MGAT5: variants seen among roughly 807,000 people sequenced by gnomAD.
MGAT5 encodes the protein alpha-1,6-mannosylglycoprotein 6-beta-N-acetylglucosaminyltransferase A.
MGAT5 carries 30 observed loss-of-function variants against 94.3 expected under a neutral mutation model. The ratio of observed to expected loss-of-function variants is 0.32; its 90% CI spans 0.24 to 0.43. The LOEUF is 0.43. Among genes scored for constraint, MGAT5 ranks in the 20% least tolerant of loss-of-function variants. The probability of loss-of-function intolerance (pLI) is 1.00; values close to 1 mark genes in which losing one functional copy is unlikely to be tolerated. For synonymous variants in MGAT5, 310 were observed against 322.9 expected, an observed-to-expected ratio of 0.96 and a Z score of 0.43; for missense variants, 691 against 905.5, an observed-to-expected ratio of 0.76 and a Z score of 3.04.
intron 12 of MGAT5, among the ~76,000 whole-genome samples, chr2:134,419,020 A>G (rs944814301): frequency 6.6e-6 from 1 of 152,260 alleles, no homozygotes; most frequent in Non-Finnish European, 1.5e-5. Flanking sequence ...CTAAGAATCA[A>G]AAATCCCTAG....
At chr2:134,335,663 C>A (rs1379817414) in intron 4 of MGAT5, among the ~76,000 whole-genome samples, 1 of 150,168 alleles carries the variant, frequency 6.7e-6, no homozygotes, top group Admixed American at 6.6e-5. Context: ...CACCTTATTT[C>A]TTGAGATAGT....
intron 1 of MGAT5, among the ~76,000 whole-genome samples, chr2:134,133,001 G>T (rs375930185): frequency 5.3e-5 from 8 of 152,266 alleles, no homozygotes; most frequent in African/African-American, 1.9e-4. Context: ...CTTTCTAGTG[G>T]AAACTAACTG....
chr2:134,242,467 C>T (rs532348482), intron 1 of MGAT5, among the ~76,000 whole-genome samples: 2 of 152,242 alleles, frequency 1.3e-5, no homozygotes, highest in African/African-American at 4.8e-5. Context: ...AAGTTCTGTA[C>T]GTGTTATGAA....
chr2:134,341,552 G>A (rs754572018), intron 6 of MGAT5, 38 bp from the exon 7 acceptor site: 4 of 1,556,632 alleles, frequency 2.6e-6, no homozygotes, highest in Non-Finnish European at 3.5e-6. Flanking sequence ...TTTGTATGTG[G>A]TTCAGTGTGA....
At position 134,389,635 on chromosome 2, in the gene MGAT5, G is replaced by A. The variant is rs145841861; in HGVS notation, c.1381-13353G>A. Among the ~76,000 whole-genome samples, 87 of 152,302 alleles carry A rather than the reference G, an allele frequency of 5.7e-4. No homozygotes were observed. In the East Asian group the frequency reaches 0.014, roughly 25 times the overall value. On this transcript the variant is annotated intron_variant, in intron 10 of 15. Transcript: ENST00000281923. Reference sequence around the variant, plus strand: ...GTCTAATGGCTTGGTGGATAACTGAGTTAATGGTGTGTGAAGGTGACCTGA... The same window carrying A: ...GTCTAATGGCTTGGTGGATAACTGAATTAATGGTGTGTGAAGGTGACCTGA...
intron 1 of MGAT5, among the ~76,000 whole-genome samples, chr2:134,151,656 C>T (rs1251288491): frequency 3.8e-5 from 1 of 26,110 alleles, no homozygotes; most frequent in Non-Finnish European, 6.8e-5. Context: ...TGCCATGGGA[C>T]CTCACTCATG....
rs77657048 is a variant in MGAT5, at chr2:134,366,004, C to T, written c.1380+3596C>T. On this transcript the variant is annotated intron_variant, in intron 10 of 15. Transcript: ENST00000281923. ...GAATCTTGCCGTCAGACTCCAGAAT[C>T]CCAGGGGCATCAACTTAGGAACCAC... is the stretch of plus-strand genomic sequence containing the variant. Among the ~76,000 whole-genome samples the T allele has an allele frequency of 2.4e-3, 366 of 152,130 alleles. 6 individuals carry two copies. The highest frequency in any genetic ancestry group is 8.0e-3 in the African/African-American group (331 of 41,490).
At chr2:134,237,148 T>TGCGC (rs145166543) in intron 1 of MGAT5, among the ~76,000 whole-genome samples, 20 of 140,834 alleles carry the variant, frequency 1.4e-4, no homozygotes, top group South Asian at 7.6e-4. Flanking sequence ...TGTGTGTGTG[T>TGCGC]GCGCGTGTGT....
rs1012608200 is a variant in MGAT5 at position 134,258,250 on chromosome 2, G to A, written c.241+3606G>A. Among the ~76,000 whole-genome samples the A allele has an allele frequency of 5.3e-5, 8 of 152,144 alleles. No homozygotes were observed. In the East Asian group the frequency reaches 5.8e-4, roughly 11 times the overall value. On this transcript the variant is annotated intron_variant, in intron 1 of 15. Transcript: ENST00000281923. ...ATAACAGATAAACACGGTAATTCCA[G>A]TATTTATTTCATAAAACATCTGAAA... is the stretch of plus-strand genomic sequence containing the variant.
At chr2:134,346,718 G>T (rs1203727816) in intron 8 of MGAT5, among the ~76,000 whole-genome samples, 1 of 152,068 alleles carries the variant, frequency 6.6e-6, no homozygotes, top group Non-Finnish European at 1.5e-5. Flanking sequence ...TCCAATTTAC[G>T]TAGGGACCTA....
intron 1 of MGAT5, among the ~76,000 whole-genome samples, chr2:134,120,791 A>G (rs1227704612): frequency 6.6e-6 from 1 of 151,054 alleles, no homozygotes; most frequent in Non-Finnish European, 1.5e-5. Flanking sequence ...AGTGGGGAGG[A>G]AGGAAGAAGG....
chr2:134,319,703 T>C (rs1331890516), intron 4 of MGAT5: 4 of 394,408 alleles, frequency 1.0e-5, no homozygotes, highest in Admixed American at 3.0e-5. Flanking sequence ...AACATACTCA[T>C]CCATGCTGTG....
At chr2:134,266,122 C>T (rs544030893) in intron 1 of MGAT5, among the ~76,000 whole-genome samples, 1 of 142,876 alleles carries the variant, frequency 7.0e-6, no homozygotes, top group Admixed American at 7.2e-5. Flanking sequence ...AATCGTGCCA[C>T]TGCACTCCAG....
chr2:134,295,872 T>C (rs1458317007), intron 2 of MGAT5, among the ~76,000 whole-genome samples: 2 of 152,164 alleles, frequency 1.3e-5, no homozygotes, highest in Non-Finnish European at 2.9e-5. Flanking sequence ...GTTCGGTGGA[T>C]TTACAGCATT....
intron 1 of MGAT5, among the ~76,000 whole-genome samples, chr2:134,199,331 G>A (rs1305966523): frequency 1.3e-5 from 2 of 152,016 alleles, no homozygotes; most frequent in African/African-American, 2.4e-5. Flanking sequence ...ACAGCCTCCC[G>A]GGATGGAGCT....
At chr2:134,258,912 G>A (rs1472649960) in intron 1 of MGAT5, among the ~76,000 whole-genome samples, 1 of 152,216 alleles carries the variant, frequency 6.6e-6, no homozygotes, top group Non-Finnish European at 1.5e-5. Flanking sequence ...CTGTGTGTCA[G>A]GTGCCTGACA....
intron 10 of MGAT5, among the ~76,000 whole-genome samples, chr2:134,362,873 C>T (rs1021725402): frequency 6.6e-6 from 1 of 152,180 alleles, no homozygotes. Flanking sequence ...ACTCACCTGA[C>T]GTAGAAAGTA....
At chr2:134,360,835 C>T (rs540180488) in intron 9 of MGAT5, among the ~76,000 whole-genome samples, 3 of 152,328 alleles carry the variant, frequency 2.0e-5, no homozygotes, top group African/African-American at 7.2e-5. Context: ...GGTTCAAAAA[C>T]GCAGAAATGA....
chr2:134,151,606 C>T (rs1384406531), intron 1 of MGAT5, among the ~76,000 whole-genome samples: 24 of 117,378 alleles, frequency 2.0e-4, no homozygotes, highest in Admixed American at 1.4e-3. Flanking sequence ...ACCTGCTTAC[C>T]GCCATGGGAC....
Sources: gnomAD v4.1 joint callset for allele counts (sites outside exome capture counted in the v4.1 genomes callset) on GRCh38, gnomAD v4.1.1 for gene constraint, MANE v1.5 for transcripts, NCBI Gene and HGNC (gene_info 2026-07-23, HGNC 2026-07-21) for gene names.